C6: variants seen among roughly 807,000 people sequenced by gnomAD.
C6 encodes complement C6.
A neutral mutation model predicts 112.9 loss-of-function variants in C6; 101 were observed. The observed-to-expected ratio is 0.89, with a 90% CI of 0.76 to 1.06. The LOEUF is 1.06. Among genes scored for constraint, C6 ranks in the 50% least tolerant of loss-of-function variants. C6 has a pLI of 0.00. For synonymous variants in C6, 431 were observed against 384.1 expected, an observed-to-expected ratio of 1.12 and a Z score of -1.43; for missense variants, 1,202 against 1,104.6, an observed-to-expected ratio of 1.09 and a Z score of -1.25.
At chr5:41,149,154 A>C (rs1746131302) in intron 17 of C6, 87 bp downstream of exon 17, 1 of 1,471,626 alleles carries the variant, frequency 6.8e-7, no homozygotes, top group East Asian at 2.3e-5. Context: ...TTTTTGATTA[A>C]GGATAGGTTA....
intron 1 of C6, among the ~76,000 whole-genome samples, chr5:41,253,545 G>C (rs1010561306): frequency 9.2e-5 from 14 of 152,118 alleles, no homozygotes; most frequent in Non-Finnish European, 1.9e-4. Context: ...TTTTATCAAG[G>C]CTGTAAACTA....
intron 1 of C6, among the ~76,000 whole-genome samples, chr5:41,229,565 G>C (rs1739753077): frequency 6.6e-6 from 1 of 151,998 alleles, no homozygotes; most frequent in Admixed American, 6.6e-5. Flanking sequence ...AGTCTTTTTT[G>C]ATGTGGTAAG....
At chr5:41,209,161 A>C (rs770985041) in intron 1 of C6, among the ~76,000 whole-genome samples, 19 of 152,212 alleles carry the variant, frequency 1.2e-4, no homozygotes, top group African/African-American at 2.2e-4. Flanking sequence ...CCTTCGACAA[A>C]ATTCAACAGC....
At chr5:41,150,697 G>T (rs1746304897) in intron 15 of C6, among the ~76,000 whole-genome samples, 11 of 151,956 alleles carry the variant, frequency 7.2e-5, no homozygotes, top group Admixed American at 6.6e-4. Flanking sequence ...GAACAGCCTG[G>T]TCAATATGGC....
chr5:41,160,488 T>C (rs927759522), intron 10 of C6, 121 bp from the exon 11 acceptor site: 2 of 774,000 alleles, frequency 2.6e-6, no homozygotes, highest in East Asian at 2.6e-5. Context: ...AAAGGGATTA[T>C]TGCAGAATAT....
intron 4 of C6, 106 bp from the exon 5 acceptor site, chr5:41,196,039 A>G (rs1750592536): frequency 7.7e-7 from 1 of 1,295,408 alleles, no homozygotes; most frequent in South Asian, 1.2e-5. Flanking sequence ...AGTTGAAGGC[A>G]AGTCTTCACT....
At chr5:41,195,684 T>C in intron 5 of C6, 108 bp downstream of exon 5, 1 of 1,135,764 alleles carries the variant, frequency 8.8e-7, no homozygotes. Context: ...CTGGTAGGAG[T>C]AGTAAGAAGT....
At chr5:41,143,068 TA>T in intron 17 of C6, 62 bp from the exon 18 acceptor site, 1 of 1,489,328 alleles carries the variant, frequency 6.7e-7, no homozygotes, top group South Asian at 1.1e-5. Flanking sequence ...TGGCTTTATC[TA>T]AATCATCCCC....
intron 5 of C6, among the ~76,000 whole-genome samples, chr5:41,186,566 G>A (rs1019444671): frequency 9.9e-5 from 15 of 151,960 alleles, no homozygotes; most frequent in Non-Finnish European, 1.9e-4. Flanking sequence ...TGCTATCCCA[G>A]GTCTACTTCT....
chr5:41,161,349 A>C (rs761493852), intron 10 of C6, among the ~76,000 whole-genome samples: 4 of 152,152 alleles, frequency 2.6e-5, no homozygotes, highest in Non-Finnish European at 5.9e-5. Flanking sequence ...TCATCAAATA[A>C]GGAGTTGCAA....
chr5:41,157,980 T>C (rs1242059805), intron 13 of C6, among the ~76,000 whole-genome samples: 1 of 152,190 alleles, frequency 6.6e-6, no homozygotes, highest in Non-Finnish European at 1.5e-5. Flanking sequence ...GAATTGAGTG[T>C]TATTGATCTT....
intron 17 of C6, among the ~76,000 whole-genome samples, chr5:41,146,226 A>G (rs1367444928): frequency 6.6e-6 from 1 of 152,218 alleles, no homozygotes; most frequent in African/African-American, 2.4e-5. Context: ...AAAATACTTA[A>G]TATCTATAAA....
intron 1 of C6, among the ~76,000 whole-genome samples, chr5:41,222,366 A>G (rs1739226796): frequency 6.6e-6 from 1 of 151,952 alleles, no homozygotes; most frequent in African/African-American, 2.4e-5. Flanking sequence ...TAATTTTTTA[A>G]ATATTACATT....
At chr5:41,147,535 C>G (rs1312790934) in intron 17 of C6, among the ~76,000 whole-genome samples, 1 of 152,226 alleles carries the variant, frequency 6.6e-6, no homozygotes, top group Middle Eastern at 3.4e-3. Context: ...GTAATAAGAC[C>G]TCTCCCCTTT....
In C6 at chr5:41,161,769, C is replaced by T. The variant is rs770302887; in HGVS notation, c.1382G>A (p.Ser461Asn). Residue 461 changes from serine to asparagine, a missense_variant, in exon 10 of 18, where the codon AGC becomes AAC. Physicochemically the swap from Ser to Asn is conservative, Grantham distance 46 (BLOSUM62 1). Coordinates refer to ENST00000337836, the MANE Select transcript of C6 (RefSeq NM_000065.5). ...YGAALAWEKG[S>N]SGLEEKTFSE... ...AAATGTCTTCTCCTCCAGACCAGAG[C>T]TCCCTTTCTCCCATGCCAAAGCTGC... The T allele has an allele frequency of 1.1e-5, 18 of 1,613,490 alleles. No homozygotes were observed. The highest frequency in any genetic ancestry group is 2.5e-6 in the Non-Finnish European group (3 of 1,179,658).
At chr5:41,159,631 C>T (rs1354266549) in intron 11 of C6, among the ~76,000 whole-genome samples, 3 of 148,280 alleles carry the variant, frequency 2.0e-5, no homozygotes, top group Non-Finnish European at 3.1e-5. Flanking sequence ...AAGTAGTATA[C>T]ATTCTTACTC....
chr5:41,179,882 A>G (rs1749182175), intron 7 of C6, among the ~76,000 whole-genome samples: 1 of 151,956 alleles, frequency 6.6e-6, no homozygotes, highest in Non-Finnish European at 1.5e-5. Flanking sequence ...CAAAAATAAG[A>G]CAAACAGATT....
chr5:41,216,818 T>C (rs1329017958), upstream of C6, among the ~76,000 whole-genome samples: 2 of 152,132 alleles, frequency 1.3e-5, no homozygotes, highest in African/African-American at 2.4e-5. Flanking sequence ...TAATCTACTC[T>C]GCAAGGATAC....
At chr5:41,161,948 G>A in intron 9 of C6, 89 bp from the exon 10 acceptor site, 1 of 1,294,108 alleles carries the variant, frequency 7.7e-7, no homozygotes, top group South Asian at 1.2e-5. Context: ...TTGTACAGAA[G>A]GGAGAAGTAG....
Sources: gnomAD v4.1 joint callset for allele counts (sites outside exome capture counted in the v4.1 genomes callset) on GRCh38, gnomAD v4.1.1 for gene constraint, MANE v1.5 for transcripts, NCBI Gene and HGNC (gene_info 2026-07-23, HGNC 2026-07-21) for gene names.